PTPRG: variants seen among roughly 807,000 people sequenced by gnomAD.
PTPRG encodes receptor-type tyrosine-protein phosphatase gamma.
Under a neutral mutation model 165.3 loss-of-function variants are expected in PTPRG, and 102 were observed. That is an observed-to-expected ratio of 0.62 (90% confidence interval 0.53 to 0.73). PTPRG has a LOEUF of 0.73. Ranked by LOEUF, PTPRG falls within the 30% of genes least tolerant of loss-of-function variation. The probability of loss-of-function intolerance (pLI) is 0.00; values close to 1 mark genes in which losing one functional copy is unlikely to be tolerated. For synonymous variants in PTPRG, 675 were observed against 669.5 expected (o/e 1.01, Z -0.13); for missense variants, 1,866 against 1,861.4 (o/e 1.00, Z -0.05).
chr3:61,601,755 G>A (rs1700874872), intron 1 of PTPRG, among the ~76,000 whole-genome samples: 1 of 152,192 alleles, frequency 6.6e-6, no homozygotes, highest in Non-Finnish European at 1.5e-5. Flanking sequence ...ATGATAGAAG[G>A]TGACATGTGT....
intron 4 of PTPRG, among the ~76,000 whole-genome samples, chr3:62,034,236 T>C (rs1699868737): frequency 1.3e-5 from 2 of 152,230 alleles, no homozygotes; most frequent in African/African-American, 4.8e-5. Context: ...ATCCTGAGAA[T>C]ACTTTATTTT....
intron 5 of PTPRG, among the ~76,000 whole-genome samples, chr3:62,088,632 C>T (rs1418406728): frequency 6.6e-6 from 1 of 152,146 alleles, no homozygotes; most frequent in Non-Finnish European, 1.5e-5. Context: ...GAAACAAGCA[C>T]CAATTTAATA....
chr3:62,050,255 A>T (rs918062591), intron 4 of PTPRG, among the ~76,000 whole-genome samples: 1 of 152,198 alleles, frequency 6.6e-6, no homozygotes, highest in Non-Finnish European at 1.5e-5. Flanking sequence ...AGATTATATT[A>T]CTGTATTTTT....
At chr3:61,582,438 T>C (rs922479316) in intron 1 of PTPRG, among the ~76,000 whole-genome samples, 13 of 152,138 alleles carry the variant, frequency 8.5e-5, no homozygotes, top group African/African-American at 2.7e-4. Context: ...AACTCTGAGA[T>C]TGATGCTGTT....
rs117032597 is a variant in PTPRG, at chr3:62,080,485, C to T, written c.615+2227C>T. ...TGGCTAACACCTGGTTTTCTGTCAT[C>T]GTTCCCTTAGCATGCTGCTTTTCAT... On this transcript the variant is annotated intron_variant, in intron 5 of 29. Transcript: ENST00000474889. 7.2e-5 allele frequency among the ~76,000 whole-genome samples: 11 copies of T among 152,272 alleles called. No individual in the cohort carries two copies. The East Asian group carries it at 1.7e-3, about 24-fold the overall frequency.
chr3:61,818,488 C>G (rs974897387), intron 2 of PTPRG, among the ~76,000 whole-genome samples: 5 of 151,944 alleles, frequency 3.3e-5, no homozygotes, highest in Non-Finnish European at 7.4e-5. Context: ...TGAAAAAGTC[C>G]TATAAAATGT....
chr3:61,714,614 C>A (rs1014144797), intron 1 of PTPRG, among the ~76,000 whole-genome samples: 1 of 152,200 alleles, frequency 6.6e-6, no homozygotes, highest in African/African-American at 2.4e-5. Flanking sequence ...CAGGCTCTTT[C>A]TCAAGTTGTG....
At chr3:62,092,403 G>T (rs1459157622) in intron 5 of PTPRG, among the ~76,000 whole-genome samples, 1 of 127,746 alleles carries the variant, frequency 7.8e-6, no homozygotes, top group African/African-American at 3.1e-5. Flanking sequence ...TTGTGCCACT[G>T]CACTCCAACC....
rs1020139566 is a variant in PTPRG, at chr3:62,228,837, C to T, written c.2289-2388C>T. 6.6e-6 allele frequency among the ~76,000 whole-genome samples: 1 copy of T among 152,190 alleles called. No individual in the cohort carries two copies. Among genetic ancestry groups the T allele is most frequent in the Non-Finnish European group, 1.5e-5 (1 of 68,032 alleles). On this transcript the variant is annotated intron_variant, in intron 13 of 29. Coordinates refer to ENST00000474889, the MANE Select transcript of PTPRG (RefSeq NM_002841.4). This position sits in a 1 kb window ranked among gnomAD's most constrained non-coding sequence, Gnocchi z 4.1. ...AAAACTTTGTCTAGTTTGGAAAACT[C>T]TGAGCTTCCAAGTCATTATTTTTGG...
chr3:61,584,688 C>A, intron 1 of PTPRG, among the ~76,000 whole-genome samples: 1 of 151,496 alleles, frequency 6.6e-6, no homozygotes, highest in Non-Finnish European at 1.5e-5. Context: ...CCATCATCAT[C>A]TCTTTAAAAC....
chr3:61,979,376 C>G (rs578196726), intron 2 of PTPRG, among the ~76,000 whole-genome samples: 23 of 152,286 alleles, frequency 1.5e-4, no homozygotes, highest in African/African-American at 5.3e-4. Context: ...GTTTGCCTTA[C>G]CCTAGTCCTA....
At chr3:62,182,131 A>G (rs1334725714) in intron 8 of PTPRG, among the ~76,000 whole-genome samples, 1 of 152,166 alleles carries the variant, frequency 6.6e-6, no homozygotes, top group African/African-American at 2.4e-5. Flanking sequence ...GGATCATCAC[A>G]AGGGTCTTCA....
chr3:61,976,032 C>T (rs1342599908), intron 2 of PTPRG, among the ~76,000 whole-genome samples: 1 of 152,148 alleles, frequency 6.6e-6, no homozygotes, highest in Admixed American at 6.5e-5. Flanking sequence ...TAATATTCCC[C>T]AAGGGAGGTC....
chr3:62,017,570 C>T (rs1050283121), intron 4 of PTPRG, among the ~76,000 whole-genome samples: 10 of 148,086 alleles, frequency 6.8e-5, no homozygotes, highest in African/African-American at 2.2e-4. Context: ...CGCCCACCAC[C>T]GCGCCCGGCT....
chr3:61,860,587 C>T (rs1474730760), intron 2 of PTPRG, among the ~76,000 whole-genome samples: 8 of 151,686 alleles, frequency 5.3e-5, no homozygotes, highest in Non-Finnish European at 2.9e-5. Context: ...ATTACAGGCA[C>T]GCACCAGCAC....
chr3:62,120,457 T>TAAA (rs1553638428), intron 5 of PTPRG, among the ~76,000 whole-genome samples: 4 of 152,206 alleles, frequency 2.6e-5, no homozygotes. Context: ...TGTATTAAAA[T>TAAA]AAAAGATTGA....
chr3:61,740,652 T>C (rs1346136494), intron 1 of PTPRG, among the ~76,000 whole-genome samples: 1 of 152,132 alleles, frequency 6.6e-6, no homozygotes, highest in Non-Finnish European at 1.5e-5. Flanking sequence ...TTACAATGCT[T>C]TTTTTTCTGT....
chr3:62,257,308 A>G (rs961631627), intron 16 of PTPRG, among the ~76,000 whole-genome samples: 2 of 152,230 alleles, frequency 1.3e-5, no homozygotes, highest in Admixed American at 6.5e-5. Flanking sequence ...CGGCTATTTT[A>G]TAAACAGAGA....
In PTPRG at chr3:61,795,371, G is replaced by A. The variant is rs558567130; in HGVS notation, c.190+46389G>A. 2.0e-5 allele frequency among the ~76,000 whole-genome samples: 3 copies of A among 152,152 alleles called. No individual in the cohort carries two copies. In the South Asian group the frequency reaches 6.2e-4, roughly 32 times the overall value. On this transcript the variant is annotated intron_variant, in intron 2 of 29. Transcript: ENST00000474889. ...AAGTAGGCGGGAATAGGCCGGGCATGATGGCTCACACCTATAATCCCAGCA... is the reference window on the plus strand; with the variant it reads ...AAGTAGGCGGGAATAGGCCGGGCATAATGGCTCACACCTATAATCCCAGCA...
Sources: gnomAD v4.1 joint callset for allele counts (sites outside exome capture counted in the v4.1 genomes callset) on GRCh38, gnomAD v4.1.1 for gene constraint, Gnocchi (gnomAD v3.1) non-coding constraint, MANE v1.5 for transcripts, NCBI Gene and HGNC (gene_info 2026-07-23, HGNC 2026-07-21) for gene names.